The following RBL1 variants were observed in gnomAD, a reference collection of about 807,000 sequenced individuals.
RBL1 encodes RB transcriptional corepressor like 1, also known as retinoblastoma-like protein 1.
A neutral mutation model predicts 123.0 loss-of-function variants in RBL1; 82 were observed. The observed-to-expected ratio is 0.67, with a 90% CI of 0.56 to 0.80. The LOEUF (loss-of-function observed/expected upper bound fraction) is 0.80, where lower values mean the gene tolerates loss of function less well. Among genes scored for constraint, RBL1 ranks in the 30% least tolerant of loss-of-function variants. RBL1 has a pLI of 0.00. For missense variants in RBL1, 1,171 were observed against 1,299.6 expected, an observed-to-expected ratio of 0.90 and a Z score of 1.52; for synonymous variants, 405 against 441.3, an observed-to-expected ratio of 0.92 and a Z score of 1.03.
At chr20:37,041,230 C>CA (rs912760566) in intron 13 of RBL1, among the ~76,000 whole-genome samples, 53 of 151,782 alleles carry the variant, frequency 3.5e-4, no homozygotes, top group Non-Finnish European at 5.9e-4. Context: ...CAGAAGTAGA[C>CA]AAAAAAAACC....
rs1215624918 is a variant in RBL1 at position 37,067,075 on chromosome 20, T to A, written c.603A>T (p.Leu201Phe). The change falls in exon 5 of 22, where the codon TTA (leucine) becomes TTT (phenylalanine). Residue 201 changes from leucine to phenylalanine, a missense_variant. Coordinates refer to ENST00000373664, the MANE Select transcript of RBL1 (RefSeq NM_002895.5). ...AAATCAGATCCAAGCAGCATAGAAGTAAATGATAAGAGTTTACTAAGTCAT... is the reference window on the plus strand; with the variant it reads ...AAATCAGATCCAAGCAGCATAGAAGAAAATGATAAGAGTTTACTAAGTCAT... ...IGDDLVNSYH[L>F]LLCCLDLIFA... 3.1e-6 allele frequency: 5 copies of A among 1,603,426 alleles called. No homozygotes were observed. Among genetic ancestry groups the A allele is most frequent in the Non-Finnish European group, 4.2e-6 (5 of 1,176,814 alleles).
intron 16 of RBL1, among the ~76,000 whole-genome samples, chr20:37,028,279 C>T (rs554075067): frequency 1.4e-4 from 22 of 152,182 alleles, no homozygotes; most frequent in Middle Eastern, 3.4e-3. Flanking sequence ...GCAGGTGAAT[C>T]GCTTGAACCT....
At chr20:37,044,345 TTC>T in intron 12 of RBL1, 95 bp from the exon 13 acceptor site, 12 of 1,278,782 alleles carry the variant, frequency 9.4e-6, no homozygotes, top group African/African-American at 1.5e-5. Flanking sequence ...CTTCTTCTTC[TTC>T]TTTTTTTTGA....
Position 36,996,903 on chromosome 20 carries a change from G to A in RBL1, c.*1856C>T, listed in dbSNP as rs934620859. 1.3e-5 allele frequency: 2 copies of A among 152,050 alleles called. No individual in the cohort carries two copies. Among genetic ancestry groups the A allele is most frequent in the Non-Finnish European group, 2.9e-5 (2 of 68,002 alleles). The allele number at this position is 152,050 out of a possible 1,614,324, so 9.4% of individuals were successfully genotyped here. A position where few individuals can be genotyped will look rare whatever the true frequency, so the allele number is the denominator to read the frequency against. The stretch of plus-strand genomic sequence containing the variant: ...TAGATACTACACAAAGAATGAGGAT[G>A]TAATTTTCATTTACAAGCAAAATGT... On this transcript the variant is annotated 3_prime_UTR_variant, in exon 22 of 22. Transcript: ENST00000373664.
In RBL1 at chr20:36,998,443, C is replaced by T. The variant is rs549471126; in HGVS notation, c.*316G>A. ...TTCTCCATGTTGGTCAGGCTGGTCT[C>T]GAACTCCTGACCTCCGGTGATCTGC... On this transcript the variant is annotated 3_prime_UTR_variant, in exon 22 of 22. Transcript: ENST00000373664. The T allele has an allele frequency of 1.4e-4, 28 of 198,810 alleles. No homozygotes were observed. The South Asian group carries it at 2.3e-3, about 17-fold the overall frequency. 12.3% of individuals were successfully genotyped at this position (198,810 alleles called of 1,614,324 possible). A position where few individuals can be genotyped will look rare whatever the true frequency, so the allele number is the denominator to read the frequency against.
chr20:37,007,954 C>T (rs1460002764), intron 19 of RBL1, among the ~76,000 whole-genome samples: 2 of 152,094 alleles, frequency 1.3e-5, no homozygotes, highest in African/African-American at 4.8e-5. Flanking sequence ...TTAAAAAAAA[C>T]CCACAAATCT....
chr20:37,015,959 T>A (rs2064243895), intron 19 of RBL1, among the ~76,000 whole-genome samples: 1 of 150,072 alleles, frequency 6.7e-6, no homozygotes, highest in Admixed American at 6.7e-5. Flanking sequence ...CCTGATTTTG[T>A]GATCCACCCG....
chr20:37,002,336 G>GTTTTTTTTTTTTTTTTTTTTTTT lies in RBL1; in HGVS notation c.3036+1343_3036+1365dup, dbSNP rs965408801. Among the ~76,000 whole-genome samples the GTTTTTTTTTTTTTTTTTTTTTTT allele has an allele frequency of 2.5e-4, 19 of 76,342 alleles. 1 individual carries two copies. In the East Asian group the frequency reaches 2.8e-3, roughly 11 times the overall value. 50.1% of individuals were successfully genotyped at this position (76,342 alleles called of 152,430 possible). A position where few individuals can be genotyped will look rare whatever the true frequency, so the allele number is the denominator to read the frequency against. On this transcript the variant is annotated intron_variant, in intron 21 of 21. Coordinates refer to ENST00000373664, the MANE Select transcript of RBL1 (RefSeq NM_002895.5). ...TGAGCCACCGTGCCTAGCCTTATCTGTTTTTTTTTTTTTTTTTTTTTTTTG... is the reference window on the plus strand; with the variant it reads ...TGAGCCACCGTGCCTAGCCTTATCTGTTTTTTTTTTTTTTTTTTTTTTTTTTTTTTTTTTTTTTTTTTTTTTTG...
intron 21 of RBL1, among the ~76,000 whole-genome samples, chr20:37,001,074 G>A (rs868829480): frequency 0.067 from 8,988 of 134,112 alleles, no homozygotes; most frequent in African/African-American, 0.11. Context: ...GGAGGGAGGC[G>A]GGGAGGTCAG....
chr20:37,063,645 G>A (rs993523977), intron 7 of RBL1, among the ~76,000 whole-genome samples: 23 of 151,906 alleles, frequency 1.5e-4, no homozygotes, highest in Admixed American at 8.5e-4. Flanking sequence ...CCAAGCAGCT[G>A]GGATTATAGG....
At chr20:37,004,920 A>G (rs1315901257) in intron 20 of RBL1, among the ~76,000 whole-genome samples, 2 of 151,432 alleles carry the variant, frequency 1.3e-5, no homozygotes, top group Non-Finnish European at 2.9e-5. Context: ...GCGTGCGCCT[A>G]TAGTCCCTGC....
chr20:37,089,206 T>C (rs1260180623), intron 1 of RBL1, 84 bp from the exon 2 acceptor site: 2 of 1,329,960 alleles, frequency 1.5e-6, no homozygotes, highest in Non-Finnish European at 2.0e-6. Flanking sequence ...TGTAGAATTA[T>C]CTGGTCTCAA....
intron 21 of RBL1, among the ~76,000 whole-genome samples, chr20:37,000,731 G>GC (rs1309588548): frequency 8.7e-3 from 813 of 93,248 alleles, no homozygotes; most frequent in African/African-American, 0.035. Context: ...GGGGAGGTCA[G>GC]CCCCCCGCCC....
At chr20:37,041,400 C>T (rs1389760133) in intron 13 of RBL1, among the ~76,000 whole-genome samples, 1 of 152,200 alleles carries the variant, frequency 6.6e-6, no homozygotes, top group Non-Finnish European at 1.5e-5. Flanking sequence ...CAGCTCACTG[C>T]AACCTCCGCC....
intron 15 of RBL1, among the ~76,000 whole-genome samples, chr20:37,033,878 A>C (rs941229821): frequency 6.6e-6 from 1 of 151,736 alleles, no homozygotes; most frequent in Admixed American, 6.6e-5. Context: ...CAGCCTCCCA[A>C]AGTGCTGGGA....
intron 2 of RBL1, among the ~76,000 whole-genome samples, chr20:37,088,174 A>C (rs1272001527): frequency 6.6e-6 from 1 of 151,882 alleles, no homozygotes; most frequent in Non-Finnish European, 1.5e-5. Context: ...CTGAGGCAGG[A>C]GAATCGCTTG....
intron 7 of RBL1, among the ~76,000 whole-genome samples, chr20:37,062,849 G>A (rs940827068): frequency 8.6e-5 from 13 of 151,900 alleles, no homozygotes; most frequent in African/African-American, 2.4e-4. Flanking sequence ...CAGCTACTTG[G>A]GAGGTGCCTG....
intron 7 of RBL1, 101 bp from the exon 8 acceptor site, chr20:37,062,371 C>T: frequency 1.4e-6 from 2 of 1,459,518 alleles, no homozygotes; most frequent in Non-Finnish European, 1.8e-6. Flanking sequence ...AACTTGACAA[C>T]TTTCTAATTT....
In RBL1 at chr20:37,023,937, C is replaced by T. The variant is rs143411078; in HGVS notation, c.2383-1111G>A. On this transcript the variant is annotated intron_variant, in intron 16 of 21. Transcript: ENST00000373664. ...GGACTACAGGCAAGTGCCACCACGC[C>T]TGGCTAATTTTTTTTTTTTTGTATT... is the stretch of plus-strand genomic sequence containing the variant. Among the ~76,000 whole-genome samples, 672 of 151,648 alleles carry T rather than the reference C, an allele frequency of 4.4e-3. 8 individuals carry two copies. Among genetic ancestry groups the T allele is most frequent in the African/African-American group, 0.016 (650 of 41,430 alleles).
Sources: gnomAD v4.1 joint callset for allele counts (sites outside exome capture counted in the v4.1 genomes callset) on GRCh38, gnomAD v4.1.1 for gene constraint, MANE v1.5 for transcripts, NCBI Gene and HGNC (gene_info 2026-07-23, HGNC 2026-07-21) for gene names.